The following STK32B variants were observed in gnomAD, a reference collection of about 807,000 sequenced individuals.
The protein encoded by STK32B is serine/threonine kinase 32B.
STK32B carries 43 observed loss-of-function variants against 52.6 expected under a neutral mutation model. That is an observed-to-expected ratio of 0.82 (90% CI 0.64 to 1.05). STK32B has a LOEUF of 1.05. STK32B is among the 50% of genes least tolerant of loss of function. STK32B has a pLI of 0.00. For synonymous variants in STK32B, 238 were observed against 204.3 expected, an observed-to-expected ratio of 1.17 and a Z score of -1.41; for missense variants, 621 against 534.6, an observed-to-expected ratio of 1.16 and a Z score of -1.59.
intron 5 of STK32B, among the ~76,000 whole-genome samples, chr4:5,401,965 C>T (rs575294628): frequency 6.6e-6 from 1 of 152,340 alleles, no homozygotes; most frequent in African/African-American, 2.4e-5. Context: ...ATGTCTGAGG[C>T]TCAACTGGCT....
chr4:5,345,810 A>G (rs1733417366), intron 4 of STK32B, among the ~76,000 whole-genome samples: 1 of 152,262 alleles, frequency 6.6e-6, no homozygotes, highest in African/African-American at 2.4e-5. Flanking sequence ...CGTGATGGAA[A>G]CGTCACATGG....
At chr4:5,101,744 G>A (rs543908793) in intron 1 of STK32B, among the ~76,000 whole-genome samples, 95 of 152,192 alleles carry the variant, frequency 6.2e-4, no homozygotes, top group African/African-American at 2.2e-3. Context: ...TGACAAAACC[G>A]CAACCAAAAT....
intron 11 of STK32B, among the ~76,000 whole-genome samples, chr4:5,489,367 G>T (rs1030959280): frequency 3.3e-5 from 5 of 152,016 alleles, no homozygotes; most frequent in African/African-American, 7.2e-5. Context: ...TAAATGCATG[G>T]TTTCCTGTCC....
intron 3 of STK32B, among the ~76,000 whole-genome samples, chr4:5,245,905 C>A (rs538076779): frequency 6.6e-6 from 1 of 152,214 alleles, no homozygotes. Context: ...TTGGCCCCCA[C>A]TCTCTTCTGG....
chr4:5,330,577 A>G (rs1732169186), intron 3 of STK32B, among the ~76,000 whole-genome samples: 1 of 152,204 alleles, frequency 6.6e-6, no homozygotes, highest in Non-Finnish European at 1.5e-5. Flanking sequence ...TGGAATATCA[A>G]AATGCTCAAG....
chr4:5,201,151 ATG>A (rs1171837336), intron 3 of STK32B, among the ~76,000 whole-genome samples: 1 of 152,040 alleles, frequency 6.6e-6, no homozygotes, highest in African/African-American at 2.4e-5. Context: ...GTTTTGGGAG[ATG>A]TGAGTGAATG....
chr4:5,192,933 T>C (rs889237518), intron 3 of STK32B, among the ~76,000 whole-genome samples: 3 of 152,198 alleles, frequency 2.0e-5, no homozygotes. Context: ...ATGACCTTTT[T>C]AGGAACACAC....
At chr4:5,426,204 G>GA (rs146497336) in intron 6 of STK32B, among the ~76,000 whole-genome samples, 77 of 152,206 alleles carry the variant, frequency 5.1e-4, no homozygotes, top group African/African-American at 1.6e-3. Flanking sequence ...CACAAGCAGC[G>GA]AATGAGAGAC....
At chr4:5,188,553 G>C (rs1449007290) in intron 3 of STK32B, among the ~76,000 whole-genome samples, 1 of 152,174 alleles carries the variant, frequency 6.6e-6, no homozygotes, top group Non-Finnish European at 1.5e-5. Context: ...GCTTCCTTCA[G>C]ATCTCTGTCT....
intron 1 of STK32B, among the ~76,000 whole-genome samples, chr4:5,131,339 C>G (rs568235992): frequency 6.4e-4 from 97 of 152,354 alleles, no homozygotes; most frequent in African/African-American, 2.3e-3. Flanking sequence ...GATCCTGCTT[C>G]CCTAGTTACC....
intron 8 of STK32B, among the ~76,000 whole-genome samples, chr4:5,457,919 G>C (rs62299782): frequency 0.12 from 16,224 of 140,562 alleles, 1,044 homozygotes; most frequent in Non-Finnish European, 0.16. Flanking sequence ...GAGGGAGAGA[G>C]GAAGGAAGGA....
At chr4:5,165,589 G>A (rs1024015120) in intron 2 of STK32B, among the ~76,000 whole-genome samples, 14 of 152,170 alleles carry the variant, frequency 9.2e-5, no homozygotes, top group African/African-American at 2.9e-4. Context: ...GAAGGCGAAT[G>A]AGAAGTGAGA....
chr4:5,100,215 C>T (rs760718982), intron 1 of STK32B, among the ~76,000 whole-genome samples: 1 of 152,098 alleles, frequency 6.6e-6, no homozygotes, highest in African/African-American at 2.4e-5. Flanking sequence ...GACGGGCTCT[C>T]GTCTCTGGGC....
intron 11 of STK32B, among the ~76,000 whole-genome samples, chr4:5,482,192 C>T (rs1313972729): frequency 3.9e-5 from 6 of 152,226 alleles, no homozygotes; most frequent in South Asian, 2.1e-4. Flanking sequence ...GCCATTTTCA[C>T]GATATTGATT....
intron 4 of STK32B, among the ~76,000 whole-genome samples, chr4:5,366,842 G>C (rs866574068): frequency 5.9e-5 from 9 of 152,158 alleles, no homozygotes; most frequent in Non-Finnish European, 1.0e-4. Flanking sequence ...TGCGTACCCA[G>C]TGTGTTACAG....
intron 1 of STK32B, among the ~76,000 whole-genome samples, chr4:5,085,124 T>G (rs768425397): frequency 6.6e-6 from 1 of 152,238 alleles, no homozygotes; most frequent in Admixed American, 6.5e-5. Context: ...CAGTATGGTT[T>G]ACAGGACAGC....
chr4:5,189,160 C>G (rs62290530), intron 3 of STK32B, among the ~76,000 whole-genome samples: 3,180 of 152,236 alleles, frequency 0.021, 42 homozygotes, highest in Non-Finnish European at 0.033. Flanking sequence ...TGGCACATCA[C>G]TATCACCCAG....
chr4:5,140,809 G>A (rs1232382970), intron 2 of STK32B, among the ~76,000 whole-genome samples: 1 of 152,122 alleles, frequency 6.6e-6, no homozygotes, highest in East Asian at 1.9e-4. Context: ...CATACTAATT[G>A]CATGCAAACT....
At chr4:5,158,458 C>T (rs1718040259) in intron 2 of STK32B, among the ~76,000 whole-genome samples, 1 of 152,160 alleles carries the variant, frequency 6.6e-6, no homozygotes, top group African/African-American at 2.4e-5. Flanking sequence ...AGCTCCCCAC[C>T]CCGAAGGCAA....
Sources: gnomAD v4.1 joint callset for allele counts (sites outside exome capture counted in the v4.1 genomes callset) on GRCh38, gnomAD v4.1.1 for gene constraint, MANE v1.5 for transcripts, NCBI Gene and HGNC (gene_info 2026-07-23, HGNC 2026-07-21) for gene names.